Variants in RSRC1 observed in about 807,000 individuals in gnomAD.
RSRC1 encodes arginine and serine rich coiled-coil 1, also known as serine/Arginine-related protein 53.
In RSRC1, 39 loss-of-function variants were observed where a neutral mutation model predicts 49.1. That is an observed-to-expected ratio of 0.79 (90% CI 0.61 to 1.04). The LOEUF (loss-of-function observed/expected upper bound fraction) is 1.04, where lower values mean the gene tolerates loss of function less well. Among genes scored for constraint, RSRC1 ranks in the 50% least tolerant of loss-of-function variants. The pLI is 0.00. For missense variants in RSRC1, 388 were observed against 402.4 expected (o/e 0.96, Z 0.31); for synonymous variants, 143 against 130.8 (o/e 1.09, Z -0.63).
intron 4 of RSRC1, among the ~76,000 whole-genome samples, chr3:158,221,805 G>GTGTTTGCCAGTCC (rs1722234409): frequency 6.6e-6 from 1 of 151,488 alleles, no homozygotes; most frequent in Non-Finnish European, 1.5e-5. Flanking sequence ...TCTGAGGACT[G>GTGTTTGCCAGTCC]TGTTTGCCAG....
At chr3:158,226,379 A>G (rs1307807614) in intron 4 of RSRC1, among the ~76,000 whole-genome samples, 3 of 151,982 alleles carry the variant, frequency 2.0e-5, no homozygotes, top group Non-Finnish European at 4.4e-5. Flanking sequence ...TCCCGGCCAC[A>G]GTAGGTGTAT....
chr3:158,197,500 T>C (rs1200008087), intron 3 of RSRC1, among the ~76,000 whole-genome samples: 1 of 152,224 alleles, frequency 6.6e-6, no homozygotes. Context: ...CTCTATCTCC[T>C]TCAGTTCTGC....
chr3:158,387,326 T>G (rs185055779), intron 6 of RSRC1, among the ~76,000 whole-genome samples: 68 of 152,244 alleles, frequency 4.5e-4, no homozygotes, highest in Admixed American at 1.6e-3. Flanking sequence ...ACTCCAACTT[T>G]TGGCCTGGAA....
In RSRC1 at chr3:158,251,250, A is replaced by G. The variant is rs570924727; in HGVS notation, c.495-46789A>G. Among the ~76,000 whole-genome samples the G allele has an allele frequency of 3.5e-4, 54 of 152,272 alleles. 1 individual carries two copies. In the South Asian group the frequency reaches 0.01, roughly 29 times the overall value. ...TGTAGTTTTATTAAAGTAAGGTTAT[A>G]TGATTCCTCCAGTTTTGTTCTTTTT... On this transcript the variant is annotated intron_variant, in intron 4 of 9. Coordinates refer to ENST00000611884, the MANE Select transcript of RSRC1 (RefSeq NM_001271838.2).
chr3:158,341,616 G>C (rs967857195), intron 5 of RSRC1, among the ~76,000 whole-genome samples: 1 of 152,216 alleles, frequency 6.6e-6, no homozygotes, highest in African/African-American at 2.4e-5. Flanking sequence ...GGCCCTAATG[G>C]AGAACCTCTG....
intron 6 of RSRC1, among the ~76,000 whole-genome samples, chr3:158,364,308 G>T (rs536983658): frequency 6.6e-6 from 1 of 152,068 alleles, no homozygotes; most frequent in African/African-American, 2.4e-5. Context: ...CTATGGCTCC[G>T]AGAAATAGTA....
intron 3 of RSRC1, among the ~76,000 whole-genome samples, chr3:158,177,480 A>G (rs923348794): frequency 6.6e-6 from 1 of 152,226 alleles, no homozygotes; most frequent in Non-Finnish European, 1.5e-5. Context: ...TGGTGAGTTC[A>G]TGTCCTTTGC....
chr3:158,158,154 A>G (rs1717992608), intron 3 of RSRC1, among the ~76,000 whole-genome samples: 1 of 152,224 alleles, frequency 6.6e-6, no homozygotes, highest in Non-Finnish European at 1.5e-5. Flanking sequence ...TTTGCTTTCC[A>G]TGTAGCAGTT....
At chr3:158,159,297 G>T (rs1166192315) in intron 3 of RSRC1, among the ~76,000 whole-genome samples, 1 of 152,182 alleles carries the variant, frequency 6.6e-6, no homozygotes, top group African/African-American at 2.4e-5. Context: ...AGGCAAATTG[G>T]AAGTGTCCTA....
At chr3:158,300,436 C>G (rs1727479022) in intron 5 of RSRC1, among the ~76,000 whole-genome samples, 1 of 152,098 alleles carries the variant, frequency 6.6e-6, no homozygotes, top group African/African-American at 2.4e-5. Context: ...TCTTTATAAA[C>G]CTTTCTAAAA....
chr3:158,396,392 GTT>G (rs202186075), intron 6 of RSRC1, among the ~76,000 whole-genome samples: 13 of 136,032 alleles, frequency 9.6e-5, no homozygotes, highest in African/African-American at 2.4e-4. Context: ...GATGGGCAAT[GTT>G]TTTTTTTTTT....
chr3:158,175,534 C>T (rs539934572), intron 3 of RSRC1, among the ~76,000 whole-genome samples: 4 of 151,810 alleles, frequency 2.6e-5, no homozygotes, highest in African/African-American at 9.7e-5. Context: ...TTGAAAAGAC[C>T]TTCCTTTTTT....
intron 6 of RSRC1, among the ~76,000 whole-genome samples, chr3:158,440,070 A>G (rs983947739): frequency 3.3e-5 from 5 of 152,092 alleles, no homozygotes; most frequent in African/African-American, 1.2e-4. Flanking sequence ...CTACCATGGC[A>G]CGTGTATACC....
At chr3:158,146,914 T>G (rs555318032) in intron 3 of RSRC1, among the ~76,000 whole-genome samples, 3 of 152,036 alleles carry the variant, frequency 2.0e-5, no homozygotes, top group African/African-American at 4.8e-5. Flanking sequence ...CTAGCTAAGA[T>G]TGGCTTTTTT....
At chr3:158,453,767 T>C (rs553103226) in intron 6 of RSRC1, among the ~76,000 whole-genome samples, 16 of 152,230 alleles carry the variant, frequency 1.1e-4, no homozygotes, top group Admixed American at 2.6e-4. Context: ...GATTTTCTAA[T>C]GTATGGCCCT....
At chr3:158,270,417 T>G (rs1725445080) in intron 4 of RSRC1, among the ~76,000 whole-genome samples, 1 of 152,180 alleles carries the variant, frequency 6.6e-6, no homozygotes, top group African/African-American at 2.4e-5. Flanking sequence ...TTCACAATAC[T>G]AAGCTCTAAT....
chr3:158,321,077 T>G (rs998841564), intron 5 of RSRC1, among the ~76,000 whole-genome samples: 29 of 152,128 alleles, frequency 1.9e-4, no homozygotes, highest in African/African-American at 6.5e-4. Flanking sequence ...CTGACTCCCA[T>G]GCATGATACC....
At chr3:158,304,280 A>G (rs1727725024) in intron 5 of RSRC1, among the ~76,000 whole-genome samples, 1 of 152,152 alleles carries the variant, frequency 6.6e-6, no homozygotes. Context: ...TCAGGTTCCA[A>G]TAAAAGCCCT....
Position 158,399,251 on chromosome 3 carries a change from T to A in RSRC1, c.583+44343T>A, listed in dbSNP as rs1204327476. Among the ~76,000 whole-genome samples the A allele has an allele frequency of 6.1e-5, 4 of 65,538 alleles. 2 individuals are homozygous for A. The highest frequency in any genetic ancestry group is 1.2e-4 in the Non-Finnish European group (4 of 34,018). The allele number at this position is 65,538 out of a possible 152,430, so 43.0% of individuals were successfully genotyped here. On this transcript the variant is annotated intron_variant, in intron 6 of 9. Coordinates refer to ENST00000611884, the MANE Select transcript of RSRC1 (RefSeq NM_001271838.2). ...CTCACTGCAAGCTCCGCCTCCCGGG[T>A]TCACGCCATTCTCCTGCCTCAGCCT...
Sources: gnomAD v4.1 joint callset for allele counts (sites outside exome capture counted in the v4.1 genomes callset) on GRCh38, gnomAD v4.1.1 for gene constraint, MANE v1.5 for transcripts, NCBI Gene and HGNC (gene_info 2026-07-23, HGNC 2026-07-21) for gene names.